The following ANKH variants were observed in gnomAD, a reference collection of about 807,000 sequenced individuals.
The protein encoded by ANKH is ANKH inorganic pyrophosphate transport regulator.
ANKH carries 15 observed loss-of-function variants against 49.0 expected under a neutral mutation model. That is an observed-to-expected ratio of 0.31 (90% CI 0.20 to 0.47). ANKH has a LOEUF of 0.47. ANKH is among the 20% of genes least tolerant of loss of function. The pLI, the probability that ANKH is intolerant of heterozygous loss-of-function variation, is 1.00. For missense variants in ANKH, 429 were observed against 652.0 expected (o/e 0.66, Z 3.72); for synonymous variants, 273 against 260.0 (o/e 1.05, Z -0.48).
chr5:14,757,442 T>A (rs940880611), intron 3 of ANKH, among the ~76,000 whole-genome samples: 2 of 139,808 alleles, frequency 1.4e-5, no homozygotes, highest in Admixed American at 7.1e-5. Context: ...TTTTTTTTTT[T>A]TTTTTTTGCT....
chr5:14,821,013 G>A (rs1171080230), intron 1 of ANKH, among the ~76,000 whole-genome samples: 3 of 151,652 alleles, frequency 2.0e-5, no homozygotes, highest in South Asian at 2.1e-4. Context: ...TGGGAGGATT[G>A]CTTGAGCTTG....
chr5:14,751,276 G>A (rs1395775026), intron 4 of ANKH, 37 bp from the exon 5 acceptor site: 1 of 1,608,850 alleles, frequency 6.2e-7, no homozygotes, highest in East Asian at 2.2e-5. Context: ...TCAGAGGGGA[G>A]AAGCGGGAAC....
At chr5:14,768,802 T>G in intron 2 of ANKH, 173 bp downstream of exon 2, 1 of 707,334 alleles carries the variant, frequency 1.4e-6, no homozygotes. Flanking sequence ...AAAAAACACA[T>G]TATTGTCTTA....
In ANKH at chr5:14,713,081, A is replaced by T; in HGVS notation, c.1266-108T>A. ...GTGTAGCCTCGAGACGGCTGAGACCAGCGGCGTTCTCCATCTGCTGGCTTC... is the reference window on the plus strand; with the variant it reads ...GTGTAGCCTCGAGACGGCTGAGACCTGCGGCGTTCTCCATCTGCTGGCTTC... On this transcript the variant is annotated intron_variant, in intron 10 of 11. Coordinates refer to ENST00000284268, the MANE Select transcript of ANKH (RefSeq NM_054027.6). The surrounding 1 kb of genome is among the most constrained non-coding windows in gnomAD (Gnocchi z 4.4). 9.2e-7 allele frequency: 1 copy of T among 1,092,720 alleles called. No homozygotes were observed. The highest frequency in any genetic ancestry group is 1.4e-6 in the Non-Finnish European group (1 of 738,632). 67.7% of individuals were successfully genotyped at this position (1,092,720 alleles called of 1,614,324 possible).
chr5:14,797,779 T>G, intron 1 of ANKH: 1 of 1,611,314 alleles, frequency 6.2e-7, no homozygotes, highest in Non-Finnish European at 8.5e-7. Flanking sequence ...GGAACGGCAC[T>G]GATGTCCCAC....
chr5:14,825,580 T>C (rs1741316416), intron 1 of ANKH, among the ~76,000 whole-genome samples: 2 of 152,172 alleles, frequency 1.3e-5, no homozygotes, highest in South Asian at 2.1e-4. Context: ...CTCAAACTCC[T>C]GGGCTCAAGT....
chr5:14,750,800 A>G (rs1284589503), intron 5 of ANKH, among the ~76,000 whole-genome samples: 2 of 152,200 alleles, frequency 1.3e-5, no homozygotes, highest in Non-Finnish European at 2.9e-5. Flanking sequence ...TGTCGTATCT[A>G]TTCCTTGGCC....
At position 14,731,184 on chromosome 5, in the gene ANKH, G is replaced by C. The variant is rs1014990244; in HGVS notation, c.1011+10643C>G. ...TGGCGGATGGGTGGCTACTGAGAGGGCTCATTTCCTGAGGATCTTTATCAT... is the reference window on the plus strand; with the variant it reads ...TGGCGGATGGGTGGCTACTGAGAGGCCTCATTTCCTGAGGATCTTTATCAT... On this transcript the variant is annotated intron_variant, in intron 8 of 11. Coordinates refer to ENST00000284268, the MANE Select transcript of ANKH (RefSeq NM_054027.6). Among the ~76,000 whole-genome samples the C allele has an allele frequency of 2.6e-5, 4 of 152,294 alleles. No individual in the cohort carries two copies. In the South Asian group the frequency reaches 8.3e-4, roughly 32 times the overall value.
intron 8 of ANKH, among the ~76,000 whole-genome samples, chr5:14,736,902 A>G (rs760153496): frequency 3.9e-5 from 6 of 152,148 alleles, no homozygotes; most frequent in Non-Finnish European, 7.3e-5. Context: ...ATTCTTCTCT[A>G]TGTCTCCTGA....
At chr5:14,743,976 C>T (rs1161912326) in intron 7 of ANKH, among the ~76,000 whole-genome samples, 1 of 152,224 alleles carries the variant, frequency 6.6e-6, no homozygotes, top group African/African-American at 2.4e-5. Flanking sequence ...TCTAACACTT[C>T]AGCACTTGCC....
intron 1 of ANKH, among the ~76,000 whole-genome samples, chr5:14,819,615 C>T (rs1741139082): frequency 6.6e-6 from 1 of 152,096 alleles, no homozygotes; most frequent in Non-Finnish European, 1.5e-5. Context: ...CCTGTAATCC[C>T]AGCACTTTGG....
chr5:14,819,966 C>T (rs1741154444), intron 1 of ANKH, among the ~76,000 whole-genome samples: 1 of 151,172 alleles, frequency 6.6e-6, no homozygotes, highest in Non-Finnish European at 1.5e-5. Context: ...ACAACCTTTG[C>T]AACTCATTAT....
intron 1 of ANKH, among the ~76,000 whole-genome samples, chr5:14,844,865 A>G (rs1741911750): frequency 6.6e-6 from 1 of 152,184 alleles, no homozygotes; most frequent in Non-Finnish European, 1.5e-5. Flanking sequence ...TTGGTCTCAG[A>G]GAACTCCCAA....
At chr5:14,771,322 T>A (rs1274831020) in intron 1 of ANKH, among the ~76,000 whole-genome samples, 1 of 152,258 alleles carries the variant, frequency 6.6e-6, no homozygotes, top group Non-Finnish European at 1.5e-5. Flanking sequence ...AACTTCAGCA[T>A]ACCCTGAGAA....
chr5:14,809,354 A>AAAG (rs1554007590), intron 1 of ANKH, among the ~76,000 whole-genome samples: 10,692 of 127,218 alleles, frequency 0.084, 499 homozygotes, highest in East Asian at 0.27. Flanking sequence ...AAAAAAAAAA[A>AAAG]AAAGAAAAAA....
chr5:14,822,409 T>G (rs1022183468), intron 1 of ANKH, among the ~76,000 whole-genome samples: 1 of 152,196 alleles, frequency 6.6e-6, no homozygotes, highest in Non-Finnish European at 1.5e-5. Context: ...ATGAGACACT[T>G]CTTTGGAGGA....
At chr5:14,714,483 C>A (rs901718915) in intron 9 of ANKH, among the ~76,000 whole-genome samples, 5 of 152,126 alleles carry the variant, frequency 3.3e-5, no homozygotes, top group Non-Finnish European at 5.9e-5. Context: ...GTGGACAGCA[C>A]CAGGCAAGGG....
chr5:14,862,319 T>C (rs1735519189), intron 1 of ANKH, among the ~76,000 whole-genome samples: 2 of 152,234 alleles, frequency 1.3e-5, no homozygotes, highest in South Asian at 2.1e-4. Flanking sequence ...ATAAACCTTC[T>C]AGTTGACTGA....
chr5:14,755,078 A>AAAAG lies in ANKH; in HGVS notation c.516+782_516+783insCTTT, dbSNP rs59531561. Among the ~76,000 whole-genome samples, 10 of 151,772 alleles carry AAAAG rather than the reference A, an allele frequency of 6.6e-5. 1 individual carries two copies. Among genetic ancestry groups the AAAAG allele is most frequent in the African/African-American group, 2.4e-4 (10 of 41,294 alleles). ...CTCTGTCTCAAAAAAAAAAAAAAAA[A>AAAAG]GACATGAGAATTTGGAAAGGCATTT... On this transcript the variant is annotated intron_variant, in intron 4 of 11. Transcript: ENST00000284268.
Sources: gnomAD v4.1 joint callset for allele counts (sites outside exome capture counted in the v4.1 genomes callset) on GRCh38, gnomAD v4.1.1 for gene constraint, Gnocchi (gnomAD v3.1) non-coding constraint, MANE v1.5 for transcripts, NCBI Gene and HGNC (gene_info 2026-07-23, HGNC 2026-07-21) for gene names.